RBFOX1: variants seen among roughly 807,000 people sequenced by gnomAD.
RBFOX1 encodes RNA binding fox-1 homolog 1.
RBFOX1 carries 8 observed loss-of-function variants against 57.7 expected under a neutral mutation model. The observed-to-expected ratio is 0.14, with a 90% confidence interval of 0.08 to 0.25. The LOEUF (loss-of-function observed/expected upper bound fraction) is 0.25, where lower values mean the gene tolerates loss of function less well. RBFOX1 is among the 10% of genes least tolerant of loss of function. RBFOX1 has a pLI of 1.00. For synonymous variants in RBFOX1, 326 were observed against 222.4 expected (o/e 1.47, Z -4.15); for missense variants, 611 against 548.5 (o/e 1.11, Z -1.14).
chr16:6,029,494 C>T lies in RBFOX1; in HGVS notation c.-127+9502C>T, dbSNP rs751634519. 3.7e-4 allele frequency among the ~76,000 whole-genome samples: 57 copies of T among 152,134 alleles called. 1 individual carries two copies. Among genetic ancestry groups the T allele is most frequent in the Admixed American group, 2.2e-3 (33 of 15,278 alleles). On this transcript the variant is annotated intron_variant, in intron 1 of 15. Coordinates refer to ENST00000550418, the MANE Select transcript of RBFOX1 (RefSeq NM_018723.4). ...TCTAGCATTTGAAAGAAAAACATGG[C>T]CGGGCGTGGTGGCTCACGCCTGTAA...
chr16:5,629,211 A>G (rs1193061908), intron 3 of RBFOX1, among the ~76,000 whole-genome samples: 1 of 152,252 alleles, frequency 6.6e-6, no homozygotes, highest in East Asian at 1.9e-4. Context: ...AATTCAAAGC[A>G]GAAGTGATTC....
At chr16:5,733,758 C>G (rs1288335432) in intron 3 of RBFOX1, among the ~76,000 whole-genome samples, 1 of 151,848 alleles carries the variant, frequency 6.6e-6, no homozygotes, top group Non-Finnish European at 1.5e-5. Flanking sequence ...CTGTTTTTCT[C>G]TTTCCCATTC....
intron 3 of RBFOX1, among the ~76,000 whole-genome samples, chr16:6,879,676 T>A (rs2153322916): frequency 6.6e-6 from 1 of 152,354 alleles, no homozygotes. Flanking sequence ...CAGTTAACTA[T>A]GTTGTACGTC....
intron 2 of RBFOX1, among the ~76,000 whole-genome samples, chr16:6,358,597 G>A (rs957800587): frequency 4.6e-5 from 7 of 152,168 alleles, no homozygotes; most frequent in Admixed American, 1.3e-4. Flanking sequence ...TCTTTACAGA[G>A]TGCTTAAGGT....
chr16:7,670,167 G>A (rs1023607044), intron 13 of RBFOX1, among the ~76,000 whole-genome samples: 1 of 152,096 alleles, frequency 6.6e-6, no homozygotes, highest in Non-Finnish European at 1.5e-5. Flanking sequence ...AGATAGCTGA[G>A]ACTACATGCA....
intron 4 of RBFOX1, among the ~76,000 whole-genome samples, chr16:5,906,503 G>A (rs778036832): frequency 1.8e-4 from 28 of 152,042 alleles, no homozygotes; most frequent in Non-Finnish European, 3.7e-4. Flanking sequence ...TGCACTTCCA[G>A]CCTCCAGAAC....
At chr16:6,349,591 A>G (rs993852281) in intron 2 of RBFOX1, among the ~76,000 whole-genome samples, 8 of 152,212 alleles carry the variant, frequency 5.3e-5, no homozygotes, top group African/African-American at 1.9e-4. Context: ...GGATTACACT[A>G]ATGTTCCTGA....
chr16:7,024,263 C>T (rs1257264986), intron 3 of RBFOX1, among the ~76,000 whole-genome samples: 1 of 152,132 alleles, frequency 6.6e-6, no homozygotes, highest in Non-Finnish European at 1.5e-5. Flanking sequence ...TGCACAGAGA[C>T]ATGGTGGCTT....
chr16:7,344,224 A>G (rs924908891), intron 4 of RBFOX1, among the ~76,000 whole-genome samples: 1 of 150,712 alleles, frequency 6.6e-6, no homozygotes, highest in Admixed American at 6.6e-5. Flanking sequence ...TCTGTAGGAC[A>G]GGGATAATAC....
intron 3 of RBFOX1, among the ~76,000 whole-genome samples, chr16:5,622,651 T>C (rs1033829837): frequency 2.6e-5 from 4 of 152,128 alleles, no homozygotes; most frequent in Non-Finnish European, 4.4e-5. Flanking sequence ...TTAAATAAAG[T>C]TTTATTGGAA....
At chr16:7,702,710 A>G (rs1400148470) in intron 14 of RBFOX1, among the ~76,000 whole-genome samples, 1 of 152,132 alleles carries the variant, frequency 6.6e-6, no homozygotes, top group Non-Finnish European at 1.5e-5. Flanking sequence ...AAAGCCGAGC[A>G]TTTTGTCCAA....
chr16:5,454,858 CTTT>C lies in RBFOX1; in HGVS notation c.220-12357_220-12355del, dbSNP rs1597132208. Among the ~76,000 whole-genome samples, 59 of 11,518 alleles carry C rather than the reference CTTT, an allele frequency of 5.1e-3. 1 individual carries two copies. Among genetic ancestry groups the C allele is most frequent in the Admixed American group, 0.017 (19 of 1,136 alleles). 7.6% of individuals were successfully genotyped at this position (11,518 alleles called of 152,430 possible). The stretch of plus-strand genomic sequence containing the variant: ...TTTCTTTCCTTTCTTTCTTTCTTTT[CTTT>C]CTTTCTTTCTTTCTTTCTTTCTTTC... On this transcript the variant is annotated intron_variant, in intron 1 of 2. Coordinates refer to the RBFOX1 transcript ENST00000585867.
intron 5 of RBFOX1, among the ~76,000 whole-genome samples, chr16:7,561,766 A>C (rs1000862766): frequency 1.3e-5 from 2 of 152,228 alleles, no homozygotes; most frequent in African/African-American, 2.4e-5. Flanking sequence ...TCTTAAATTC[A>C]TCACCCATTT....
chr16:6,958,315 C>T (rs1412685607), intron 3 of RBFOX1, among the ~76,000 whole-genome samples: 2 of 152,184 alleles, frequency 1.3e-5, no homozygotes, highest in Admixed American at 6.5e-5. Context: ...ATTCAAAATA[C>T]ACATTAGAAC....
chr16:6,332,770 T>A (rs1234950240), intron 2 of RBFOX1, among the ~76,000 whole-genome samples: 2 of 152,078 alleles, frequency 1.3e-5, no homozygotes, highest in African/African-American at 2.4e-5. Context: ...AACTTAAAGG[T>A]GTTCAGAGAA....
At chr16:7,149,916 A>G (rs369499127) in intron 4 of RBFOX1, among the ~76,000 whole-genome samples, 11 of 152,146 alleles carry the variant, frequency 7.2e-5, no homozygotes, top group African/African-American at 2.7e-4. Flanking sequence ...CTCCAGCCAC[A>G]TCCCGTGGCT....
chr16:6,897,543 C>T (rs572208860), intron 3 of RBFOX1, among the ~76,000 whole-genome samples: 1 of 152,324 alleles, frequency 6.6e-6, no homozygotes, highest in South Asian at 2.1e-4. Context: ...CCTGTAATCC[C>T]AACACTTTGG....
intron 3 of RBFOX1, among the ~76,000 whole-genome samples, chr16:6,979,824 T>A (rs1262621263): frequency 6.6e-6 from 1 of 152,192 alleles, no homozygotes; most frequent in East Asian, 1.9e-4. Context: ...AAATGCCAGA[T>A]GCACTCAGGC....
intron 3 of RBFOX1, among the ~76,000 whole-genome samples, chr16:5,751,377 A>G (rs898581988): frequency 6.6e-6 from 1 of 152,186 alleles, no homozygotes; most frequent in Non-Finnish European, 1.5e-5. Context: ...GAGCTTTCAT[A>G]CTGATTACGT....
Sources: gnomAD v4.1 joint callset for allele counts (sites outside exome capture counted in the v4.1 genomes callset) on GRCh38, gnomAD v4.1.1 for gene constraint, MANE v1.5 for transcripts, NCBI Gene and HGNC (gene_info 2026-07-23, HGNC 2026-07-21) for gene names.